WDPCP: variants seen among roughly 807,000 people sequenced by gnomAD.
The protein encoded by WDPCP is WD repeat-containing and planar cell polarity effector protein fritz homolog.
WDPCP carries 71 observed loss-of-function variants against 93.1 expected under a neutral mutation model. The observed-to-expected ratio is 0.76, with a 90% CI of 0.63 to 0.93. The LOEUF is 0.93. Ranked by LOEUF, WDPCP falls within the 40% of genes least tolerant of loss-of-function variation. WDPCP has a pLI of 0.00. For missense variants in WDPCP, 844 were observed against 887.4 expected (o/e 0.95, Z 0.62); for synonymous variants, 315 against 315.0 (o/e 1.00, Z 0.00).
intron 12 of WDPCP, among the ~76,000 whole-genome samples, chr2:63,325,110 G>A (rs1293720847): frequency 1.3e-5 from 2 of 152,148 alleles, no homozygotes; most frequent in Non-Finnish European, 2.9e-5. Flanking sequence ...TCTATAATAG[G>A]GATGAAGAGG....
At chr2:63,450,637 G>T (rs2105634894) in intron 6 of WDPCP, among the ~76,000 whole-genome samples, 1 of 152,268 alleles carries the variant, frequency 6.6e-6, no homozygotes, top group Middle Eastern at 3.4e-3. Flanking sequence ...GGGGCCTGAA[G>T]ACTAGCCCAA....
chr2:63,815,820 TA>T (rs1670924522), intron 1 of WDPCP, among the ~76,000 whole-genome samples: 1 of 152,184 alleles, frequency 6.6e-6, no homozygotes, highest in South Asian at 2.1e-4. Flanking sequence ...CAAGTACTAA[TA>T]AAGTATCGTA....
At chr2:63,588,065 T>G (rs980503020) in intron 1 of WDPCP, 132 bp downstream of exon 1, 15 of 1,139,774 alleles carry the variant, frequency 1.3e-5, no homozygotes, top group Non-Finnish European at 1.9e-5. Context: ...GCCCTCATAC[T>G]CCGCTCAGAA....
chr2:63,672,594 T>C (rs1473150217), intron 2 of WDPCP, among the ~76,000 whole-genome samples: 2 of 152,036 alleles, frequency 1.3e-5, no homozygotes, highest in African/African-American at 4.8e-5. Context: ...ACCTAAAATT[T>C]ACCATTTTAA....
chr2:63,829,266 T>C (rs905807818), upstream of WDPCP, among the ~76,000 whole-genome samples: 3 of 152,186 alleles, frequency 2.0e-5, no homozygotes, highest in African/African-American at 7.2e-5. Flanking sequence ...GATATTTCTT[T>C]TTCCTTCTTG....
At chr2:63,743,435 C>T (rs953072580) in intron 2 of WDPCP, among the ~76,000 whole-genome samples, 1 of 152,032 alleles carries the variant, frequency 6.6e-6, no homozygotes, top group African/African-American at 2.4e-5. Context: ...CTTTGAATAG[C>T]TTGTGACATT....
intron 14 of WDPCP, among the ~76,000 whole-genome samples, chr2:63,233,913 G>T (rs758455901): frequency 6.6e-6 from 1 of 152,100 alleles, no homozygotes; most frequent in African/African-American, 2.4e-5. Context: ...GCCATCTCCT[G>T]TGCCCAGCCA....
chr2:63,778,707 A>G (rs951512402), intron 2 of WDPCP, among the ~76,000 whole-genome samples: 3 of 152,190 alleles, frequency 2.0e-5, no homozygotes, highest in African/African-American at 4.8e-5. Flanking sequence ...ACCACTGGCC[A>G]GAGCAGCACT....
chr2:63,202,638 T>A (rs1045439288), intron 14 of WDPCP, among the ~76,000 whole-genome samples: 1 of 152,184 alleles, frequency 6.6e-6, no homozygotes, highest in Non-Finnish European at 1.5e-5. Flanking sequence ...GCTGTTGCTG[T>A]GTTATTAGGA....
chr2:63,127,330 G>A (rs1669982997), intron 17 of WDPCP, among the ~76,000 whole-genome samples: 1 of 151,536 alleles, frequency 6.6e-6, no homozygotes, highest in African/African-American at 2.4e-5. Flanking sequence ...TCACCATGTT[G>A]GCCAGGATGG....
At chr2:63,484,745 A>C in intron 5 of WDPCP, 82 bp from the exon 6 acceptor site, 2 of 1,568,618 alleles carry the variant, frequency 1.3e-6, no homozygotes, top group Non-Finnish European at 8.7e-7. Flanking sequence ...ATTTGCAAGC[A>C]AAAAAAGATC....
intron 13 of WDPCP, among the ~76,000 whole-genome samples, chr2:63,295,800 GC>G (rs1017529251): frequency 5.9e-5 from 8 of 136,464 alleles, no homozygotes; most frequent in African/African-American, 2.2e-4. Flanking sequence ...CAACAAAAAA[GC>G]CCAGGACCAG....
chr2:63,747,950 T>C (rs1042625823), intron 2 of WDPCP, among the ~76,000 whole-genome samples: 10 of 152,016 alleles, frequency 6.6e-5, no homozygotes, highest in African/African-American at 2.4e-4. Flanking sequence ...AATACATAGG[T>C]ATTTTCCATT....
intron 2 of WDPCP, among the ~76,000 whole-genome samples, chr2:63,761,517 C>T (rs759480344): frequency 3.3e-5 from 5 of 152,022 alleles, no homozygotes; most frequent in Non-Finnish European, 5.9e-5. Context: ...CATTAACTCA[C>T]GCAATCACAA....
chr2:63,383,775 A>G (rs557794133), intron 10 of WDPCP, among the ~76,000 whole-genome samples: 1 of 152,156 alleles, frequency 6.6e-6, no homozygotes, highest in Admixed American at 6.5e-5. Context: ...AATCAAGAGA[A>G]TATGTAAGCA....
intron 2 of WDPCP, among the ~76,000 whole-genome samples, chr2:63,721,998 C>T (rs1160282396): frequency 1.3e-5 from 2 of 152,030 alleles, no homozygotes; most frequent in Admixed American, 6.5e-5. Context: ...CCCGAGGTGC[C>T]GGGATTGCAG....
intron 12 of WDPCP, among the ~76,000 whole-genome samples, chr2:63,362,955 A>G (rs1188001811): frequency 6.6e-6 from 1 of 152,182 alleles, no homozygotes; most frequent in Non-Finnish European, 1.5e-5. Context: ...TAGTACTATT[A>G]TTCATTTGTA....
At chr2:63,593,804 C>CT (rs1330073330) in intron 3 of WDPCP, among the ~76,000 whole-genome samples, 2 of 152,042 alleles carry the variant, frequency 1.3e-5, no homozygotes, top group Non-Finnish European at 2.9e-5. Context: ...TCAGCTTAGT[C>CT]TTTTTTTACT....
intron 10 of WDPCP, among the ~76,000 whole-genome samples, chr2:63,402,511 A>G (rs1357383286): frequency 6.6e-6 from 1 of 152,246 alleles, no homozygotes; most frequent in Non-Finnish European, 1.5e-5. Context: ...AAAGTGGGCA[A>G]AGGACATGAA....
Sources: allele counts gnomAD v4.1 joint callset (sites outside exome capture counted in the v4.1 genomes callset), GRCh38; gene constraint gnomAD v4.1.1; transcripts MANE v1.5; gene names NCBI Gene and HGNC (gene_info 2026-07-23, HGNC 2026-07-21).